The following TAF3 variants were observed in gnomAD, a reference collection of about 807,000 sequenced individuals.
TAF3 encodes the protein transcription initiation factor TFIID subunit 3.
A neutral mutation model predicts 80.6 loss-of-function variants in TAF3; 7 were observed. The observed-to-expected ratio is 0.09, with a 90% CI of 0.05 to 0.16. TAF3 has a LOEUF of 0.16. Among genes scored for constraint, TAF3 ranks in the 10% least tolerant of loss-of-function variants. The pLI is 1.00. For missense variants in TAF3, 921 were observed against 1,140.2 expected, an observed-to-expected ratio of 0.81 and a Z score of 2.77; for synonymous variants, 444 against 446.1, an observed-to-expected ratio of 1.00 and a Z score of 0.06.
At chr10:7,838,908 G>GTTTTTTGTTTT (rs1554776008) in intron 2 of TAF3, among the ~76,000 whole-genome samples, 3 of 101,866 alleles carry the variant, frequency 2.9e-5, no homozygotes, top group South Asian at 4.0e-4. Flanking sequence ...GGCATTGCTT[G>GTTTTTTGTTTT]TTTTTTTTTT....
intron 2 of TAF3, among the ~76,000 whole-genome samples, chr10:7,953,439 T>G (rs1838103700): frequency 6.6e-6 from 1 of 152,112 alleles, no homozygotes; most frequent in African/African-American, 2.4e-5. Flanking sequence ...AATAAAGATC[T>G]TCATCTCTTG....
At chr10:7,906,825 C>T (rs1837612218) in intron 2 of TAF3, among the ~76,000 whole-genome samples, 1 of 151,136 alleles carries the variant, frequency 6.6e-6, no homozygotes, top group South Asian at 2.1e-4. Context: ...TCAACTGATC[C>T]TCCTGCCTTG....
rs761478576 is a variant in TAF3, at chr10:8,015,548, T to A, written c.*797T>A. 1 of 152,186 alleles carries A rather than the reference T, an allele frequency of 6.6e-6. No individual in the cohort carries two copies. The highest frequency in any genetic ancestry group is 1.5e-5 in the Non-Finnish European group (1 of 68,038). The allele number at this position is 152,186 out of a possible 1,614,324, so 9.4% of individuals were successfully genotyped here. On this transcript the variant is annotated 3_prime_UTR_variant, in exon 7 of 7. Coordinates refer to ENST00000344293, the MANE Select transcript of TAF3 (RefSeq NM_031923.4). ...ATAATAAATATTTATGAAGTAGTTA[T>A]TTTTTAAATTTTTATCGTGTTTAAT...
intron 3 of TAF3, among the ~76,000 whole-genome samples, chr10:7,972,795 T>C (rs1323618223): frequency 6.6e-6 from 1 of 152,338 alleles, no homozygotes; most frequent in East Asian, 1.9e-4. Context: ...CCAGCTAGTT[T>C]GGTTGAGTGA....
chr10:7,949,275 G>A (rs1010388604), intron 2 of TAF3, among the ~76,000 whole-genome samples: 5 of 152,200 alleles, frequency 3.3e-5, no homozygotes, highest in Non-Finnish European at 5.9e-5. Context: ...TAATAATAAA[G>A]CACAGCCGGA....
chr10:7,849,350 G>T (rs959632413), intron 2 of TAF3, among the ~76,000 whole-genome samples: 1 of 152,090 alleles, frequency 6.6e-6, no homozygotes, highest in Non-Finnish European at 1.5e-5. Flanking sequence ...TGATATTCCC[G>T]TTTGTAAGAC....
At chr10:7,987,977 C>T (rs1381548378) in intron 4 of TAF3, among the ~76,000 whole-genome samples, 1 of 152,072 alleles carries the variant, frequency 6.6e-6, no homozygotes, top group Non-Finnish European at 1.5e-5. Context: ...CAGAGAATTG[C>T]CTTCTCTGTG....
chr10:7,960,290 C>A (rs1838176712), intron 2 of TAF3, among the ~76,000 whole-genome samples: 1 of 152,186 alleles, frequency 6.6e-6, no homozygotes, highest in Admixed American at 6.5e-5. Context: ...TCCGCCTTGT[C>A]ATTCTGATAG....
At chr10:7,882,941 T>C (rs1273390049) in intron 2 of TAF3, among the ~76,000 whole-genome samples, 1 of 152,242 alleles carries the variant, frequency 6.6e-6, no homozygotes, top group Non-Finnish European at 1.5e-5. Flanking sequence ...ATTTTTTGTT[T>C]CTGAACTGTT....
At chr10:7,934,303 CAGG>C (rs1837895915) in intron 2 of TAF3, among the ~76,000 whole-genome samples, 1 of 152,026 alleles carries the variant, frequency 6.6e-6, no homozygotes, top group Non-Finnish European at 1.5e-5. Context: ...ATTTAATTGG[CAGG>C]AGTTTTTTCG....
chr10:7,937,739 A>G (rs1837934874), intron 2 of TAF3, among the ~76,000 whole-genome samples: 1 of 152,248 alleles, frequency 6.6e-6, no homozygotes. Context: ...CACAGCACCT[A>G]ACATTTCAAG....
intron 2 of TAF3, among the ~76,000 whole-genome samples, chr10:7,868,190 A>G (rs115555120): frequency 0.016 from 2,499 of 152,308 alleles, 72 homozygotes; most frequent in African/African-American, 0.054. Flanking sequence ...TTGACAAGCG[A>G]GATGTTCTGA....
In TAF3 at chr10:7,864,941, T is replaced by G. The variant is rs142267405; in HGVS notation, c.409+40381T>G. Reference sequence around the variant, plus strand: ...TCTAGAAGTTTTATAGTTTTAGGTTTTGGGTGGCTGGGGTGGGTGGCTGGG... The same window carrying G: ...TCTAGAAGTTTTATAGTTTTAGGTTGTGGGTGGCTGGGGTGGGTGGCTGGG... On this transcript the variant is annotated intron_variant, in intron 2 of 6. Transcript: ENST00000344293. Among the ~76,000 whole-genome samples, 781 of 152,250 alleles carry G rather than the reference T, an allele frequency of 5.1e-3. 7 individuals are homozygous for G. Among genetic ancestry groups the G allele is most frequent in the Middle Eastern group, 0.014 (4 of 292 alleles).
chr10:7,947,600 C>A (rs1448949882), intron 2 of TAF3, among the ~76,000 whole-genome samples: 2 of 152,160 alleles, frequency 1.3e-5, no homozygotes, highest in Non-Finnish European at 2.9e-5. Context: ...CAGCCGTGAG[C>A]CGACCTGGAG....
chr10:7,935,500 C>G (rs1045123424), intron 2 of TAF3, among the ~76,000 whole-genome samples: 1 of 151,960 alleles, frequency 6.6e-6, no homozygotes, highest in African/African-American at 2.4e-5. Flanking sequence ...AGGAGAATGG[C>G]GTGAACCCGG....
chr10:7,884,996 T>G (rs551682540), intron 2 of TAF3, among the ~76,000 whole-genome samples: 51 of 64,900 alleles, frequency 7.9e-4, no homozygotes, highest in African/African-American at 1.8e-3. Context: ...TTTGTTCAGT[T>G]TTTTTTTTTT....
chr10:7,923,404 C>T (rs773077912), intron 2 of TAF3, among the ~76,000 whole-genome samples: 1 of 151,792 alleles, frequency 6.6e-6, no homozygotes. Flanking sequence ...GACTCGTGTC[C>T]TTTGGGGTGG....
intron 2 of TAF3, among the ~76,000 whole-genome samples, chr10:7,826,807 A>G (rs1836746511): frequency 6.6e-6 from 1 of 152,250 alleles, no homozygotes. Flanking sequence ...ATTTAAAAAT[A>G]TAACCATACA....
At chr10:8,012,669 T>C (rs1002531818) in intron 5 of TAF3, among the ~76,000 whole-genome samples, 2 of 152,218 alleles carry the variant, frequency 1.3e-5, no homozygotes, top group African/African-American at 4.8e-5. Flanking sequence ...GTCAGAGATG[T>C]AGTTGCCCAC....
Sources: gnomAD v4.1 joint callset for allele counts (sites outside exome capture counted in the v4.1 genomes callset) on GRCh38, gnomAD v4.1.1 for gene constraint, MANE v1.5 for transcripts, NCBI Gene and HGNC (gene_info 2026-07-23, HGNC 2026-07-21) for gene names.